Variants in MAPK4 observed in about 807,000 individuals in gnomAD.
MAPK4 encodes the protein mitogen-activated protein kinase 4, also known as Erk3-related.
In MAPK4, 22 loss-of-function variants were observed where a neutral mutation model predicts 47.7. The observed-to-expected ratio is 0.46, with a 90% CI of 0.33 to 0.66. The LOEUF (loss-of-function observed/expected upper bound fraction) is 0.66, where lower values mean the gene tolerates loss of function less well. Among genes scored for constraint, MAPK4 ranks in the 30% least tolerant of loss-of-function variants. The probability of loss-of-function intolerance (pLI) is 0.02; values close to 1 mark genes in which losing one functional copy is unlikely to be tolerated. For synonymous variants in MAPK4, 390 were observed against 365.7 expected (o/e 1.07, Z -0.76); for missense variants, 736 against 831.7 (o/e 0.88, Z 1.42).
At chr18:50,614,186 C>A (rs912268481) in intron 1 of MAPK4, among the ~76,000 whole-genome samples, 5 of 151,988 alleles carry the variant, frequency 3.3e-5, no homozygotes, top group Admixed American at 3.3e-4. Context: ...AGCAAATTTT[C>A]TTGCCTTCAT....
intron 1 of MAPK4, among the ~76,000 whole-genome samples, chr18:50,568,220 A>G (rs2042219042): frequency 6.6e-6 from 1 of 152,104 alleles, no homozygotes; most frequent in African/African-American, 2.4e-5. Flanking sequence ...AGAAAAAAGA[A>G]AAAAAGAATT....
intron 1 of MAPK4, among the ~76,000 whole-genome samples, chr18:50,593,084 A>G (rs1232707010): frequency 6.6e-6 from 1 of 152,246 alleles, no homozygotes; most frequent in Non-Finnish European, 1.5e-5. Flanking sequence ...CCACACAGCT[A>G]GTAAGCGACA....
At chr18:50,613,989 A>G (rs890885216) in intron 1 of MAPK4, among the ~76,000 whole-genome samples, 1 of 152,218 alleles carries the variant, frequency 6.6e-6, no homozygotes, top group African/African-American at 2.4e-5. Flanking sequence ...AATATATTCT[A>G]TTCAACTATA....
At chr18:50,676,972 G>A (rs1266733107) in intron 2 of MAPK4, among the ~76,000 whole-genome samples, 1 of 152,176 alleles carries the variant, frequency 6.6e-6, no homozygotes, top group Non-Finnish European at 1.5e-5. Flanking sequence ...TTAGAAACCA[G>A]GCCACACAGC....
chr18:50,692,514 C>A (rs549233446), intron 2 of MAPK4, among the ~76,000 whole-genome samples: 1 of 152,276 alleles, frequency 6.6e-6, no homozygotes, highest in East Asian at 1.9e-4. Flanking sequence ...GTATCCCTCT[C>A]TAAGCTCAGT....
intron 1 of MAPK4, among the ~76,000 whole-genome samples, chr18:50,566,781 C>T (rs1342892907): frequency 6.6e-6 from 1 of 152,036 alleles, no homozygotes; most frequent in Non-Finnish European, 1.5e-5. Context: ...AGAATAAAAA[C>T]ATTTATTTGT....
At chr18:50,653,199 A>T (rs949080924) in intron 1 of MAPK4, among the ~76,000 whole-genome samples, 5 of 151,752 alleles carry the variant, frequency 3.3e-5, no homozygotes, top group Non-Finnish European at 7.4e-5. Flanking sequence ...CAAAAAATAA[A>T]AAAAAAAAAG....
chr18:50,592,926 C>T (rs930699325), intron 1 of MAPK4, among the ~76,000 whole-genome samples: 2 of 152,212 alleles, frequency 1.3e-5, no homozygotes, highest in Non-Finnish European at 2.9e-5. Flanking sequence ...AAACTCTTTA[C>T]CTGTTAACCA....
At chr18:50,722,869 C>T (rs201168634) in intron 4 of MAPK4, among the ~76,000 whole-genome samples, 1 of 152,176 alleles carries the variant, frequency 6.6e-6, no homozygotes, top group East Asian at 1.9e-4. Context: ...TCCAGACATG[C>T]TCCTGAGAAC....
intron 1 of MAPK4, among the ~76,000 whole-genome samples, chr18:50,568,054 G>T (rs2042216563): frequency 6.6e-6 from 1 of 151,874 alleles, no homozygotes; most frequent in Non-Finnish European, 1.5e-5. Context: ...AAATTAGCGG[G>T]GCGTGGTGGC....
At chr18:50,687,200 T>A (rs952296709) in intron 2 of MAPK4, among the ~76,000 whole-genome samples, 1 of 152,150 alleles carries the variant, frequency 6.6e-6, no homozygotes, top group African/African-American at 2.4e-5. Context: ...TTTTTTTCTA[T>A]TTTTTATAGA....
chr18:50,628,126 C>A (rs2042797545), intron 1 of MAPK4, among the ~76,000 whole-genome samples: 1 of 152,098 alleles, frequency 6.6e-6, no homozygotes, highest in Non-Finnish European at 1.5e-5. Flanking sequence ...TTGTAGCCCT[C>A]CCCAGATGCT....
At chr18:50,677,948 G>A (rs1198349709) in intron 2 of MAPK4, among the ~76,000 whole-genome samples, 2 of 152,286 alleles carry the variant, frequency 1.3e-5, no homozygotes, top group East Asian at 3.9e-4. Context: ...CTGGTGGGGT[G>A]AGGGTGGGTT....
chr18:50,607,642 G>A (rs534212228), intron 1 of MAPK4, among the ~76,000 whole-genome samples: 5 of 152,334 alleles, frequency 3.3e-5, no homozygotes, highest in East Asian at 3.9e-4. Context: ...AGAAGGCCAC[G>A]TGGTGATTGG....
intron 1 of MAPK4, among the ~76,000 whole-genome samples, chr18:50,640,584 A>G (rs1309862212): frequency 2.0e-5 from 3 of 151,634 alleles, no homozygotes; most frequent in Non-Finnish European, 4.4e-5. Context: ...TCCTGCCTCA[A>G]CCTCCCAAGT....
intron 1 of MAPK4, among the ~76,000 whole-genome samples, chr18:50,618,721 G>A (rs774368280): frequency 6.6e-6 from 1 of 152,154 alleles, no homozygotes; most frequent in African/African-American, 2.4e-5. Flanking sequence ...GAGACCACAT[G>A]CAATTAGACA....
At chr18:50,559,773 T>C (rs1266632906), upstream of MAPK4, among the ~76,000 whole-genome samples, 4 of 151,776 alleles carry the variant, frequency 2.6e-5, no homozygotes, top group East Asian at 2.0e-4. Flanking sequence ...GAAGGGCTTC[T>C]GAGTGACTGG....
Position 50,664,367 on chromosome 18 carries a change from C to A in MAPK4, c.409C>A (p.Leu137Ile). Reference sequence around the variant, plus strand: ...GTTCATGTACCAGCTGCTCCGCGGGCTCAAGTACATCCACTCCGCCAACGT... The same window carrying A: ...GTTCATGTACCAGCTGCTCCGCGGGATCAAGTACATCCACTCCGCCAACGT... ...KLFMYQLLRG[L>I]KYIHSANVLH... Residue 137 changes from leucine (L) to isoleucine (I), a missense_variant, in exon 2 of 6, where the codon CTC (leucine) becomes ATC (isoleucine). This residue lies in a region of MAPK4 where 327 missense variants were observed against 395.4 expected (regional missense o/e 0.83). Transcript: ENST00000400384. The surrounding 1 kb of genome is among the most constrained non-coding windows in gnomAD (Gnocchi z 6.0). The A allele has an allele frequency of 1.2e-6, 2 of 1,613,978 alleles. No homozygotes were observed. Among genetic ancestry groups the A allele is most frequent in the Non-Finnish European group, 1.7e-6 (2 of 1,180,034 alleles).
chr18:50,632,500 T>C (rs1221738680), intron 1 of MAPK4, among the ~76,000 whole-genome samples: 1 of 152,164 alleles, frequency 6.6e-6, no homozygotes, highest in Non-Finnish European at 1.5e-5. Flanking sequence ...CAACCTTGTC[T>C]CTTGCATTCT....
Sources: gnomAD v4.1 joint callset for allele counts (sites outside exome capture counted in the v4.1 genomes callset) on GRCh38, gnomAD v4.1.1 for gene constraint, gnomAD v4.1.1 regional missense constraint, Gnocchi (gnomAD v3.1) non-coding constraint, MANE v1.5 for transcripts, NCBI Gene and HGNC (gene_info 2026-07-23, HGNC 2026-07-21) for gene names.